Variants in KHDRBS2 observed in about 807,000 individuals in gnomAD.
KHDRBS2 encodes KH domain-containing, RNA-binding, signal transduction-associated protein 2.
A neutral mutation model predicts 44.3 loss-of-function variants in KHDRBS2; 26 were observed. The ratio of observed to expected loss-of-function variants is 0.59; its 90% CI spans 0.43 to 0.81. The LOEUF (loss-of-function observed/expected upper bound fraction) is 0.81. Among genes scored for constraint, KHDRBS2 ranks in the 40% least tolerant of loss-of-function variants. KHDRBS2 has a pLI of 0.00. For missense variants in KHDRBS2, 476 were observed against 433.1 expected (o/e 1.10, Z -0.88); for synonymous variants, 194 against 151.1 (o/e 1.28, Z -2.08).
At chr6:61,562,211 G>A in the KHDRBS2 span, among the ~76,000 whole-genome samples, 1 of 152,168 alleles carries the variant, frequency 6.6e-6, no homozygotes, top group Non-Finnish European at 1.5e-5. Flanking sequence ...GTGAAGATGT[G>A]ATGTTTATCC....
At chr6:61,718,021 T>C (rs1451121101) in intron 7 of KHDRBS2, among the ~76,000 whole-genome samples, 2 of 152,048 alleles carry the variant, frequency 1.3e-5, no homozygotes, top group Non-Finnish European at 2.9e-5. Context: ...AAAAATCACT[T>C]AACATTTCTA....
intron 6 of KHDRBS2, among the ~76,000 whole-genome samples, chr6:61,807,544 T>C (rs1431057950): frequency 6.6e-6 from 1 of 152,068 alleles, no homozygotes; most frequent in Non-Finnish European, 1.5e-5. Flanking sequence ...TGGGCGCTAT[T>C]ATCCTAAGCA....
At chr6:61,869,488 C>T (rs887169779) in intron 6 of KHDRBS2, among the ~76,000 whole-genome samples, 13 of 151,896 alleles carry the variant, frequency 8.6e-5, no homozygotes, top group Admixed American at 2.6e-4. Flanking sequence ...AAATAATGTA[C>T]GTTAGGCAGA....
At chr6:62,019,253 G>A (rs952339031) in intron 3 of KHDRBS2, among the ~76,000 whole-genome samples, 3 of 151,952 alleles carry the variant, frequency 2.0e-5, no homozygotes, top group African/African-American at 7.2e-5. Context: ...GTTAACTGCA[G>A]GTTTTGCATA....
At chr6:61,970,097 T>C (rs564668358) in intron 4 of KHDRBS2, among the ~76,000 whole-genome samples, 23 of 152,094 alleles carry the variant, frequency 1.5e-4, no homozygotes, top group African/African-American at 4.1e-4. Context: ...TTTATGTAGA[T>C]AGAAATAACA....
intron 2 of KHDRBS2, among the ~76,000 whole-genome samples, chr6:62,093,856 T>TTGTGTGTGTGTGTGTGTGTG (rs61194705): frequency 7.0e-5 from 10 of 143,308 alleles, no homozygotes; most frequent in Middle Eastern, 3.6e-3. Context: ...TTCCATTGTT[T>TTGTGTGTGTGTGTGTGTGTG]TGTGTGTGTG....
At chr6:61,686,228 A>G (rs1450605345) in intron 8 of KHDRBS2, among the ~76,000 whole-genome samples, 2 of 151,764 alleles carry the variant, frequency 1.3e-5, no homozygotes. Flanking sequence ...TACACTGTAA[A>G]TCAATATGCA....
chr6:61,650,707 C>A, the KHDRBS2 span, among the ~76,000 whole-genome samples: 8 of 151,822 alleles, frequency 5.3e-5, no homozygotes, highest in African/African-American at 1.9e-4. Flanking sequence ...AAACCAATTA[C>A]AATTCCTTAG....
intron 2 of KHDRBS2, among the ~76,000 whole-genome samples, chr6:62,159,997 TG>T (rs1817290065): frequency 6.6e-6 from 1 of 152,132 alleles, no homozygotes; most frequent in Non-Finnish European, 1.5e-5. Flanking sequence ...ATTGTTCAAC[TG>T]TCATTTGTAT....
At chr6:62,169,354 C>A (rs1299024883) in intron 2 of KHDRBS2, among the ~76,000 whole-genome samples, 1 of 151,682 alleles carries the variant, frequency 6.6e-6, no homozygotes, top group African/African-American at 2.4e-5. Context: ...TATGGAGGAA[C>A]ATATTGACAA....
At chr6:61,801,044 T>C (rs1786176828) in intron 6 of KHDRBS2, among the ~76,000 whole-genome samples, 1 of 152,216 alleles carries the variant, frequency 6.6e-6, no homozygotes, top group South Asian at 2.1e-4. Flanking sequence ...CTAAGGATGA[T>C]AACAGGAGCA....
chr6:61,903,146 T>A (rs1804367782), intron 4 of KHDRBS2, among the ~76,000 whole-genome samples: 1 of 152,238 alleles, frequency 6.6e-6, no homozygotes, highest in South Asian at 2.1e-4. Context: ...ACATGTCTAT[T>A]ATTTTATTAG....
intron 4 of KHDRBS2, among the ~76,000 whole-genome samples, chr6:61,935,970 A>G (rs1445295224): frequency 6.6e-6 from 1 of 152,082 alleles, no homozygotes; most frequent in African/African-American, 2.4e-5. Flanking sequence ...CTCCTTTTCC[A>G]GATGTAAATT....
At chr6:61,946,278 C>A (rs568499006) in intron 4 of KHDRBS2, among the ~76,000 whole-genome samples, 8 of 152,278 alleles carry the variant, frequency 5.3e-5, no homozygotes, top group African/African-American at 1.7e-4. Flanking sequence ...TTAGCAATAT[C>A]ATAATGAAAG....
At chr6:62,255,259 G>C (rs537977609) in intron 1 of KHDRBS2, among the ~76,000 whole-genome samples, 16 of 152,120 alleles carry the variant, frequency 1.1e-4, no homozygotes, top group Admixed American at 1.0e-3. Context: ...AATTCTATCT[G>C]ATCTATAATG....
intron 8 of KHDRBS2, among the ~76,000 whole-genome samples, chr6:61,696,021 G>A (rs1767862243): frequency 6.6e-6 from 1 of 152,008 alleles, no homozygotes; most frequent in Non-Finnish European, 1.5e-5. Flanking sequence ...CTAGGCTGGA[G>A]TGCAGTGGCT....
intron 2 of KHDRBS2, among the ~76,000 whole-genome samples, chr6:62,072,449 C>T (rs1305096410): frequency 6.6e-6 from 1 of 152,100 alleles, no homozygotes; most frequent in Non-Finnish European, 1.5e-5. Flanking sequence ...CCAATTTTTG[C>T]CCATTCATTA....
intron 3 of KHDRBS2, among the ~76,000 whole-genome samples, chr6:62,006,704 A>G (rs1201304500): frequency 6.6e-6 from 1 of 152,100 alleles, no homozygotes; most frequent in East Asian, 1.9e-4. Flanking sequence ...GGTAACTAAT[A>G]AAGTATAATA....
chr6:61,991,549 TC>T (rs1337807197), intron 3 of KHDRBS2, among the ~76,000 whole-genome samples: 1 of 152,076 alleles, frequency 6.6e-6, no homozygotes, highest in Non-Finnish European at 1.5e-5. Context: ...AAAGTAATCT[TC>T]CCCCAGTAGA....
Sources: allele counts gnomAD v4.1 joint callset (sites outside exome capture counted in the v4.1 genomes callset), GRCh38; gene constraint gnomAD v4.1.1; transcripts MANE v1.5; gene names NCBI Gene and HGNC (gene_info 2026-07-23, HGNC 2026-07-21).